LUZP2: variants seen among roughly 807,000 people sequenced by gnomAD.
The protein encoded by LUZP2 is leucine zipper protein 2.
LUZP2 carries 52 observed loss-of-function variants against 51.6 expected under a neutral mutation model. That is an observed-to-expected ratio of 1.01 (90% CI 0.81 to 1.27). The LOEUF (loss-of-function observed/expected upper bound fraction) is 1.27, where lower values mean the gene tolerates loss of function less well. LUZP2 is among the 50% of genes most tolerant of loss of function. The probability of loss-of-function intolerance (pLI) is 0.00; values close to 1 mark genes in which losing one functional copy is unlikely to be tolerated. For synonymous variants in LUZP2, 154 were observed against 137.3 expected, an observed-to-expected ratio of 1.12 and a Z score of -0.85; for missense variants, 436 against 395.4, an observed-to-expected ratio of 1.10 and a Z score of -0.87.
At chr11:25,039,124 G>C (rs561887634) in intron 9 of LUZP2, among the ~76,000 whole-genome samples, 57 of 152,270 alleles carry the variant, frequency 3.7e-4, no homozygotes, top group Middle Eastern at 3.4e-3. Context: ...CACTGGAAAT[G>C]TACTTGCAAT....
intron 9 of LUZP2, among the ~76,000 whole-genome samples, chr11:24,999,341 A>G (rs1856606265): frequency 6.6e-6 from 1 of 151,980 alleles, no homozygotes; most frequent in South Asian, 2.1e-4. Context: ...GAAGAAGAAG[A>G]GGAAAAAGAA....
rs552427502 is a variant in LUZP2, at chr11:24,748,148, C to T, written c.333+9846C>T. ...CTTCCTGTGGTGTTTCCCCTGACACCCCTCCTGAAGGTTCTCTGTGATGCC... is the reference window on the plus strand; with the variant it reads ...CTTCCTGTGGTGTTTCCCCTGACACTCCTCCTGAAGGTTCTCTGTGATGCC... On this transcript the variant is annotated intron_variant, in intron 4 of 11. Transcript: ENST00000336930. 4.6e-5 allele frequency among the ~76,000 whole-genome samples: 7 copies of T among 152,186 alleles called. No homozygotes were observed. In the East Asian group the frequency reaches 1.2e-3, roughly 25 times the overall value.
chr11:24,830,181 T>C (rs966613425), intron 5 of LUZP2, among the ~76,000 whole-genome samples: 1 of 152,160 alleles, frequency 6.6e-6, no homozygotes, highest in Non-Finnish European at 1.5e-5. Flanking sequence ...AGAACTAGTA[T>C]CTGTATCAAA....
rs182919768 is a variant in LUZP2 at position 24,675,172 on chromosome 11, G to A, written c.63-53997G>A. 8.3e-3 allele frequency among the ~76,000 whole-genome samples: 1,267 copies of A among 152,234 alleles called. 8 individuals carry two copies. The highest frequency in any genetic ancestry group is 8.9e-3 in the Non-Finnish European group (605 of 68,020). ...GATAAATCAATGAACCCCTTGAAGT[G>A]GAATTGGGTTGTTTGAACACTAATT... On this transcript the variant is annotated intron_variant, in intron 1 of 11. Coordinates refer to ENST00000336930, the MANE Select transcript of LUZP2 (RefSeq NM_001009909.4).
chr11:24,810,228 T>A (rs536754601), intron 5 of LUZP2, among the ~76,000 whole-genome samples: 2 of 152,312 alleles, frequency 1.3e-5, no homozygotes, highest in East Asian at 3.9e-4. Flanking sequence ...TATACATATA[T>A]ATGCACACAC....
At chr11:24,963,614 C>T (rs1855488037) in intron 7 of LUZP2, among the ~76,000 whole-genome samples, 1 of 152,102 alleles carries the variant, frequency 6.6e-6, no homozygotes, top group Non-Finnish European at 1.5e-5. Context: ...TTAAGCCCGT[C>T]AGAAAGGCGC....
intron 10 of LUZP2, among the ~76,000 whole-genome samples, chr11:25,058,671 G>A (rs74536053): frequency 0.016 from 2,458 of 152,282 alleles, 34 homozygotes; most frequent in South Asian, 0.071. Flanking sequence ...TGTAAATTAA[G>A]GTTCAGAGAG....
chr11:24,680,444 C>T (rs1405662800), intron 1 of LUZP2, among the ~76,000 whole-genome samples: 2 of 152,194 alleles, frequency 1.3e-5, no homozygotes, highest in Non-Finnish European at 2.9e-5. Context: ...CTAATCCAAC[C>T]CAGACTTCTC....
chr11:24,831,834 C>T (rs1321277835), intron 5 of LUZP2: 1 of 152,290 alleles, frequency 6.6e-6, no homozygotes, highest in Non-Finnish European at 1.5e-5. Flanking sequence ...TTCCTGTCTG[C>T]TAAGGGACTA....
chr11:24,951,008 T>C (rs1855062820), intron 7 of LUZP2, among the ~76,000 whole-genome samples: 1 of 151,632 alleles, frequency 6.6e-6, no homozygotes, highest in African/African-American at 2.4e-5. Flanking sequence ...TTTATGTTCA[T>C]TTTTGTCTTC....
At chr11:24,677,146 G>A (rs1302599383) in intron 1 of LUZP2, among the ~76,000 whole-genome samples, 2 of 151,948 alleles carry the variant, frequency 1.3e-5, no homozygotes, top group Admixed American at 6.6e-5. Context: ...TTTGACAATT[G>A]TTATGAAAAT....
intron 7 of LUZP2, among the ~76,000 whole-genome samples, chr11:24,928,792 A>G (rs530703506): frequency 7.9e-5 from 12 of 152,208 alleles, no homozygotes; most frequent in African/African-American, 2.4e-4. Flanking sequence ...GAATAGTGCA[A>G]ATAAGATTGG....
rs1856652029 is a variant in LUZP2, at chr11:25,000,438, G to T, written c.765+17145G>T. The stretch of plus-strand genomic sequence containing the variant: ...CTTCAGGCCAGGGAAAGGGCCAGAG[G>T]ATTGGTCCAGGGTTCCTTGGTAGTA... On this transcript the variant is annotated intron_variant, in intron 9 of 11. Transcript: ENST00000336930. Among the ~76,000 whole-genome samples, 3 of 152,176 alleles carry T rather than the reference G, an allele frequency of 2.0e-5. No homozygotes were observed. In the South Asian group the frequency reaches 6.2e-4, roughly 31 times the overall value.
intron 5 of LUZP2, among the ~76,000 whole-genome samples, chr11:24,779,927 A>T (rs965739169): frequency 2.0e-4 from 31 of 152,230 alleles, no homozygotes; most frequent in African/African-American, 7.5e-4. Context: ...TGTGGGCTGA[A>T]ATCCAAGGAA....
chr11:24,570,767 G>A (rs1193870732), intron 1 of LUZP2, among the ~76,000 whole-genome samples: 1 of 151,970 alleles, frequency 6.6e-6, no homozygotes, highest in Non-Finnish European at 1.5e-5. Flanking sequence ...AAAGCTAATG[G>A]GGAAGCCAAG....
rs555552202 is a variant in LUZP2 at position 24,751,146 on chromosome 11, T to G, written c.334-12100T>G. Among the ~76,000 whole-genome samples the G allele has an allele frequency of 8.5e-5, 13 of 152,270 alleles. No homozygotes were observed. The South Asian group carries it at 2.7e-3, about 32-fold the overall frequency. On this transcript the variant is annotated intron_variant, in intron 4 of 11. Transcript: ENST00000336930. ...TGTTACTACCAAGATGAGAAACTGA[T>G]GCCATTGCTAACTCATTCCCCCAAA...
chr11:24,899,024 T>C (rs2133775033), intron 5 of LUZP2, among the ~76,000 whole-genome samples: 1 of 152,302 alleles, frequency 6.6e-6, no homozygotes, highest in African/African-American at 2.4e-5. Context: ...AACATACGCA[T>C]ATTGGCAATT....
rs561411899 is a variant in LUZP2, at chr11:25,017,065, A to G, written c.766-32973A>G. 4.6e-5 allele frequency among the ~76,000 whole-genome samples: 7 copies of G among 152,050 alleles called. No individual in the cohort carries two copies. The East Asian group carries it at 9.7e-4, about 21-fold the overall frequency. On this transcript the variant is annotated intron_variant, in intron 9 of 11. Transcript: ENST00000336930. The stretch of plus-strand genomic sequence containing the variant: ...TTGCATATGTTTGTTGGCCATTTGT[A>G]TATCTTATTTTGTGAAGTATCTATT...
At chr11:25,061,401 T>C (rs1446169) in intron 10 of LUZP2, among the ~76,000 whole-genome samples, 55,677 of 152,036 alleles carry the variant, frequency 0.37, 12,480 homozygotes, top group East Asian at 0.78. Context: ...TTGGTGAATA[T>C]GTGTATCTGA....
Sources: gnomAD v4.1 joint callset for allele counts (sites outside exome capture counted in the v4.1 genomes callset) on GRCh38, gnomAD v4.1.1 for gene constraint, MANE v1.5 for transcripts, NCBI Gene and HGNC (gene_info 2026-07-23, HGNC 2026-07-21) for gene names.